PTPRD: variants seen among roughly 807,000 people sequenced by gnomAD.
PTPRD encodes protein tyrosine phosphatase receptor type D.
A neutral mutation model predicts 214.5 loss-of-function variants in PTPRD; 34 were observed. The observed-to-expected ratio is 0.16, with a 90% CI of 0.12 to 0.21. The LOEUF is 0.21. Ranked by LOEUF, PTPRD falls within the 10% of genes least tolerant of loss-of-function variation. PTPRD has a pLI of 1.00. For missense variants in PTPRD, 2,545 were observed against 2,398.7 expected (o/e 1.06, Z -1.27); for synonymous variants, 1,128 against 845.7 (o/e 1.33, Z -5.79).
At chr9:10,108,554 T>A (rs2098658251) in intron 3 of PTPRD, among the ~76,000 whole-genome samples, 1 of 151,460 alleles carries the variant, frequency 6.6e-6, no homozygotes, top group Non-Finnish European at 1.5e-5. Context: ...CATATATAAA[T>A]GAGCTTCTCA....
chr9:10,567,481 C>A (rs1265986330), intron 2 of PTPRD, among the ~76,000 whole-genome samples: 5 of 152,022 alleles, frequency 3.3e-5, no homozygotes, highest in African/African-American at 9.7e-5. Context: ...CCAAAGAACA[C>A]CACCATAATG....
At chr9:8,972,476 G>A (rs2099244332) in intron 11 of PTPRD, among the ~76,000 whole-genome samples, 1 of 151,510 alleles carries the variant, frequency 6.6e-6, no homozygotes, top group African/African-American at 2.4e-5. Context: ...CAATTAGGAA[G>A]AATTAGTGTA....
intron 11 of PTPRD, among the ~76,000 whole-genome samples, chr9:8,764,808 GATAATAATAATAATA>G (rs58828058): frequency 1.4e-5 from 2 of 146,678 alleles, no homozygotes; most frequent in South Asian, 2.2e-4. Context: ...TAATAATAAT[GATAATAATAATAATA>G]ATAATAATAA....
chr9:9,589,824 C>G (rs950600032), intron 7 of PTPRD, among the ~76,000 whole-genome samples: 3 of 151,842 alleles, frequency 2.0e-5, no homozygotes, highest in Admixed American at 6.6e-5. Flanking sequence ...TGATTGTTGT[C>G]ATTAGTAGAT....
chr9:10,495,374 C>A (rs538108708), intron 2 of PTPRD, among the ~76,000 whole-genome samples: 25 of 151,928 alleles, frequency 1.6e-4, no homozygotes, highest in Non-Finnish European at 2.2e-4. Flanking sequence ...CCTGATTTTA[C>A]AATTGTTCTG....
In PTPRD at chr9:10,401,020, C is replaced by T. The variant is rs189422133; in HGVS notation, c.-599-60003G>A. Among the ~76,000 whole-genome samples the T allele has an allele frequency of 2.2e-3, 329 of 151,676 alleles. 6 individuals carry two copies. The highest frequency in any genetic ancestry group is 0.011 in the Admixed American group (166 of 15,168). ...CAATCAGGTCAAGACCCAATAAAAACTTTTATTGCCTGTTCTCATAGGCCT... is the reference window on the plus strand; with the variant it reads ...CAATCAGGTCAAGACCCAATAAAAATTTTTATTGCCTGTTCTCATAGGCCT... On this transcript the variant is annotated intron_variant, in intron 2 of 45. Coordinates refer to ENST00000381196, the MANE Select transcript of PTPRD (RefSeq NM_002839.4).
chr9:8,994,128 A>G (rs2099387704), intron 11 of PTPRD, among the ~76,000 whole-genome samples: 1 of 152,112 alleles, frequency 6.6e-6, no homozygotes, highest in African/African-American at 2.4e-5. Flanking sequence ...GAGTTCAATG[A>G]ACTTAAGGAT....
rs1350176791 is a variant in PTPRD, at chr9:10,208,351, A to AC, written c.-545+132611_-545+132612insG. Among the ~76,000 whole-genome samples, 5 of 152,164 alleles carry AC rather than the reference A, an allele frequency of 3.3e-5. No homozygotes were observed. In the East Asian group the frequency reaches 9.7e-4, roughly 29 times the overall value. On this transcript the variant is annotated intron_variant, in intron 3 of 45. Transcript: ENST00000381196. Reference sequence around the variant, plus strand: ...AACACGGTGAAACCCCGTCTCTACTAAAAATACAAAAAATTAGCCGGGCGT... The same window carrying AC: ...AACACGGTGAAACCCCGTCTCTACTACAAAATACAAAAAATTAGCCGGGCGT...
intron 13 of PTPRD, among the ~76,000 whole-genome samples, chr9:8,635,993 C>T (rs1342369014): frequency 6.6e-6 from 1 of 152,098 alleles, no homozygotes. Flanking sequence ...TAAAGAAAAC[C>T]AACTTCTTCG....
chr9:9,421,011 T>C (rs1056163755), intron 8 of PTPRD, among the ~76,000 whole-genome samples: 3 of 151,932 alleles, frequency 2.0e-5, no homozygotes, highest in African/African-American at 4.8e-5. Flanking sequence ...TTGTCCATAA[T>C]AGAAAAATAC....
chr9:8,948,682 AT>A (rs895470656), intron 11 of PTPRD, among the ~76,000 whole-genome samples: 168 of 145,444 alleles, frequency 1.2e-3, no homozygotes, highest in African/African-American at 4.1e-3. Context: ...AAATTAAGTT[AT>A]AAAATATGAT....
chr9:8,544,471 T>C (rs1336495441), intron 14 of PTPRD, among the ~76,000 whole-genome samples: 4 of 144,720 alleles, frequency 2.8e-5, no homozygotes, highest in African/African-American at 1.0e-4. Context: ...AAATAACTTT[T>C]TTTTTTTTTT....
chr9:9,447,088 T>C (rs1366100114), intron 8 of PTPRD, among the ~76,000 whole-genome samples: 1 of 152,102 alleles, frequency 6.6e-6, no homozygotes, highest in African/African-American at 2.4e-5. Flanking sequence ...AGTTCAACCA[T>C]TTGTGGAGAA....
chr9:10,114,567 T>C (rs1020861131), intron 3 of PTPRD, among the ~76,000 whole-genome samples: 1 of 152,026 alleles, frequency 6.6e-6, no homozygotes, highest in African/African-American at 2.4e-5. Flanking sequence ...ATATATATGC[T>C]TGTATTATAT....
rs2096530014 is a variant in PTPRD, at chr9:8,465,629, C to T, written c.3551G>A (p.Arg1184Lys). The T allele has an allele frequency of 6.2e-7, 1 of 1,612,228 alleles. No individual in the cohort carries two copies. Among genetic ancestry groups the T allele is most frequent in the African/African-American group, 1.3e-5 (1 of 74,782 alleles). Residue 1184 changes from arginine (R) to lysine (K), a missense_variant, in exon 32 of 46, where the codon AGA becomes AAA. Arg to Lys is a conservative substitution (Grantham distance 26, BLOSUM62 2). Coordinates refer to ENST00000381196, the MANE Select transcript of PTPRD (RefSeq NM_002839.4). The part of the protein sequence containing the change: ...SRKRRSIRYG[R>K]EVELKPYIAA... ...AATATATGGCTTTAATTCAACTTCTCTCCCATAACGGATGCTTCTGCGCTT... is the reference window on the plus strand; with the variant it reads ...AATATATGGCTTTAATTCAACTTCTTTCCCATAACGGATGCTTCTGCGCTT...
chr9:9,378,381 T>C (rs767724965), intron 9 of PTPRD, among the ~76,000 whole-genome samples: 2 of 152,162 alleles, frequency 1.3e-5, no homozygotes, highest in Non-Finnish European at 2.9e-5. Context: ...TAGCAGTGAG[T>C]ATTCCATTGT....
intron 10 of PTPRD, among the ~76,000 whole-genome samples, chr9:9,021,641 C>A (rs2099569971): frequency 6.6e-6 from 1 of 151,908 alleles, no homozygotes; most frequent in African/African-American, 2.4e-5. Flanking sequence ...TGTGTTATTG[C>A]CCCTGAAGAT....
intron 9 of PTPRD, among the ~76,000 whole-genome samples, chr9:9,352,454 A>AT (rs1017608885): frequency 6.6e-6 from 1 of 150,904 alleles, no homozygotes. Context: ...AGGCAAATTT[A>AT]TTTTTTCTCC....
At chr9:9,991,197 G>C (rs553981209) in intron 4 of PTPRD, among the ~76,000 whole-genome samples, 4 of 151,982 alleles carry the variant, frequency 2.6e-5, no homozygotes, top group Admixed American at 1.3e-4. Context: ...GCCTCCCAAA[G>C]TGCTGGTATT....
Sources: gnomAD v4.1 joint callset for allele counts (sites outside exome capture counted in the v4.1 genomes callset) on GRCh38, gnomAD v4.1.1 for gene constraint, MANE v1.5 for transcripts, NCBI Gene and HGNC (gene_info 2026-07-23, HGNC 2026-07-21) for gene names.